IL6R: variants seen among roughly 807,000 people sequenced by gnomAD.
IL6R encodes the protein interleukin-6 receptor subunit alpha.
A neutral mutation model predicts 48.3 loss-of-function variants in IL6R; 38 were observed. That is an observed-to-expected ratio of 0.79 (90% CI 0.61 to 1.03). IL6R has a LOEUF of 1.03. Ranked by LOEUF, IL6R falls within the 50% of genes least tolerant of loss-of-function variation. IL6R has a pLI of 0.00. For synonymous variants in IL6R, 264 were observed against 256.2 expected (o/e 1.03, Z -0.29); for missense variants, 534 against 618.3 (o/e 0.86, Z 1.45).
chr1:154,450,282 T>C (rs1415071155), intron 8 of IL6R, among the ~76,000 whole-genome samples: 1 of 152,094 alleles, frequency 6.6e-6, no homozygotes, highest in Non-Finnish European at 1.5e-5. Context: ...CATGCCACCA[T>C]GCCCAGCTAA....
At chr1:154,406,994 C>T (rs767434880) in intron 1 of IL6R, among the ~76,000 whole-genome samples, 3 of 152,092 alleles carry the variant, frequency 2.0e-5, no homozygotes, top group African/African-American at 7.2e-5. Flanking sequence ...TGTCAGGCCC[C>T]GGTGATGGAG....
At chr1:154,453,242 A>C (rs1690684180) in intron 8 of IL6R, among the ~76,000 whole-genome samples, 1 of 152,170 alleles carries the variant, frequency 6.6e-6, no homozygotes, top group South Asian at 2.1e-4. Flanking sequence ...AGATGATGAA[A>C]TGTTAATAAA....
chr1:154,455,847 A>G (rs1465015041), intron 9 of IL6R, among the ~76,000 whole-genome samples: 1 of 151,576 alleles, frequency 6.6e-6, no homozygotes, highest in African/African-American at 2.4e-5. Flanking sequence ...ACCTGAGGTC[A>G]GGAGTTCGAG....
At chr1:154,427,720 G>T (rs2149232745) in intron 1 of IL6R, among the ~76,000 whole-genome samples, 1 of 152,322 alleles carries the variant, frequency 6.6e-6, no homozygotes, top group Admixed American at 6.5e-5. Flanking sequence ...CCAGTAGCCA[G>T]TGTGGACTCC....
At chr1:154,429,049 A>G in intron 1 of IL6R, 147 bp from the exon 2 acceptor site, 1 of 894,328 alleles carries the variant, frequency 1.1e-6, no homozygotes, top group Non-Finnish European at 1.7e-6. Flanking sequence ...GGTCACCAGG[A>G]GAATGCTGCC....
rs1227412960 is a variant in IL6R at position 154,431,435 on chromosome 1, C to T, written c.458+829C>T. On this transcript the variant is annotated intron_variant, in intron 3 of 9. Transcript: ENST00000368485. ...CCTGAAATCGCAAATGGTGCTGAAC[C>T]CTATATATAGTATGTTTTTCTATAG... 2.0e-5 allele frequency among the ~76,000 whole-genome samples: 3 copies of T among 151,952 alleles called. No individual in the cohort carries two copies. In the East Asian group the frequency reaches 5.8e-4, roughly 29 times the overall value.
intron 5 of IL6R, 66 bp downstream of exon 5, chr1:154,435,222 A>G: frequency 6.7e-7 from 1 of 1,501,386 alleles, no homozygotes; most frequent in Admixed American, 1.8e-5. Context: ...TAGAAAGGGT[A>G]CTAGAGGCCA....
At chr1:154,454,277 GAAACAAAC>G (rs537961306) in intron 8 of IL6R, 14 of 582,340 alleles carry the variant, frequency 2.4e-5, no homozygotes, top group African/African-American at 1.5e-4. Flanking sequence ...GCTTTGTTAA[GAAACAAAC>G]AAACAAACAA....
chr1:154,458,933 G>C (rs2149273910), intron 9 of IL6R, among the ~76,000 whole-genome samples: 1 of 151,454 alleles, frequency 6.6e-6, no homozygotes, highest in South Asian at 2.1e-4. Flanking sequence ...AGAAGGCCAA[G>C]AATCAAACCA....
intron 6 of IL6R, among the ~76,000 whole-genome samples, chr1:154,439,606 C>T (rs1454786076): frequency 2.6e-5 from 4 of 152,178 alleles, no homozygotes; most frequent in South Asian, 2.1e-4. Context: ...TGAGCCACCG[C>T]GCCCTGCCCA....
chr1:154,429,134 C>T (rs1005251336), intron 1 of IL6R, 62 bp from the exon 2 acceptor site: 1 of 1,560,896 alleles, frequency 6.4e-7, no homozygotes, highest in African/African-American at 1.4e-5. Flanking sequence ...CTTCCTCAGA[C>T]CAGAACGAAG....
At chr1:154,457,129 C>T (rs1690928902) in intron 9 of IL6R, among the ~76,000 whole-genome samples, 1 of 151,894 alleles carries the variant, frequency 6.6e-6, no homozygotes. Context: ...TCAAGACCAG[C>T]CTGACCAACA....
intron 9 of IL6R, among the ~76,000 whole-genome samples, chr1:154,462,522 T>C (rs1182497662): frequency 6.6e-6 from 1 of 151,454 alleles, no homozygotes; most frequent in Non-Finnish European, 1.5e-5. Flanking sequence ...TACAGGCGCC[T>C]GCTACCATGC....
intron 1 of IL6R, among the ~76,000 whole-genome samples, chr1:154,410,055 G>A (rs1169608045): frequency 6.6e-6 from 1 of 152,178 alleles, no homozygotes; most frequent in Admixed American, 6.5e-5. Flanking sequence ...GGTGTGTTAT[G>A]TTCTGGAGCA....
chr1:154,428,872 G>A (rs1689123881), intron 1 of IL6R, among the ~76,000 whole-genome samples: 2 of 152,164 alleles, frequency 1.3e-5, no homozygotes, highest in South Asian at 2.1e-4. Flanking sequence ...GAGAGATGAG[G>A]CCTCCAAGGA....
At chr1:154,450,718 G>A (rs1456606190) in intron 8 of IL6R, among the ~76,000 whole-genome samples, 1 of 152,238 alleles carries the variant, frequency 6.6e-6, no homozygotes, top group Non-Finnish European at 1.5e-5. Flanking sequence ...AAGATCACAA[G>A]TCCTGTGTTT....
intron 1 of IL6R, among the ~76,000 whole-genome samples, chr1:154,421,539 C>T (rs1297057216): frequency 1.3e-5 from 2 of 152,196 alleles, no homozygotes; most frequent in Non-Finnish European, 2.9e-5. Context: ...GTGCTCACAC[C>T]CTCCATGTTC....
Position 154,465,209 on chromosome 1 carries a change from G to A in IL6R, c.1236G>A (p.Gln412=). The A allele has an allele frequency of 6.2e-7, 1 of 1,614,184 alleles. No individual in the cohort carries two copies. The highest frequency in any genetic ancestry group is 8.5e-7 in the Non-Finnish European group (1 of 1,180,034). The change falls in exon 10 of 10, where the codon CAG becomes CAA. Residue 412 remains glutamine, a synonymous_variant. Coordinates refer to ENST00000368485, the MANE Select transcript of IL6R (RefSeq NM_000565.4). ...TSMHPPYSLG[Q]LVPERPRPTP... ...TGCATCCGCCGTACTCTTTGGGGCA[G>A]CTGGTCCCGGAGAGGCCTCGACCCA...
chr1:154,418,490 G>A, intron 1 of IL6R: 1 of 824,430 alleles, frequency 1.2e-6, no homozygotes, highest in African/African-American at 1.8e-5. Context: ...ACATATGTGG[G>A]GGAGGAGGGA....
Sources: allele counts gnomAD v4.1 joint callset (sites outside exome capture counted in the v4.1 genomes callset), GRCh38; gene constraint gnomAD v4.1.1; transcripts MANE v1.5; gene names NCBI Gene and HGNC (gene_info 2026-07-23, HGNC 2026-07-21).